The following ATP8A1 variants were observed in gnomAD, a reference collection of about 807,000 sequenced individuals.
ATP8A1 encodes the protein ATPase phospholipid transporting 8A1.
ATP8A1 carries 90 observed loss-of-function variants against 177.7 expected under a neutral mutation model. That is an observed-to-expected ratio of 0.51 (90% CI 0.43 to 0.60). The LOEUF (loss-of-function observed/expected upper bound fraction) is 0.60. Ranked by LOEUF, ATP8A1 falls within the 20% of genes least tolerant of loss-of-function variation. The probability of loss-of-function intolerance (pLI) is 0.00; values close to 1 mark genes in which losing one functional copy is unlikely to be tolerated. For missense variants in ATP8A1, 1,072 were observed against 1,392.8 expected (o/e 0.77, Z 3.67); for synonymous variants, 493 against 485.9 (o/e 1.01, Z -0.19).
intron 33 of ATP8A1, among the ~76,000 whole-genome samples, chr4:42,434,570 C>T (rs751697254): frequency 6.6e-6 from 1 of 152,196 alleles, no homozygotes; most frequent in Admixed American, 6.5e-5. Flanking sequence ...TCAAATCTAT[C>T]TCCTTTCTCT....
At chr4:42,513,538 G>A (rs145311188) in intron 22 of ATP8A1, among the ~76,000 whole-genome samples, 1 of 152,264 alleles carries the variant, frequency 6.6e-6, no homozygotes, top group East Asian at 1.9e-4. Flanking sequence ...GAAGGATAAG[G>A]GAGGTGATTC....
At chr4:42,456,142 T>C (rs977881537) in intron 27 of ATP8A1, among the ~76,000 whole-genome samples, 6 of 152,316 alleles carry the variant, frequency 3.9e-5, no homozygotes, top group African/African-American at 1.2e-4. Flanking sequence ...ACCCCCTTAA[T>C]ATTATGTAAT....
chr4:42,577,904 C>T (rs1014974329), intron 12 of ATP8A1, among the ~76,000 whole-genome samples: 1 of 152,122 alleles, frequency 6.6e-6, no homozygotes, highest in Admixed American at 6.5e-5. Context: ...CATATTATCC[C>T]TATGATTGTG....
chr4:42,434,251 CAG>C (rs1469176467), intron 33 of ATP8A1, among the ~76,000 whole-genome samples: 1 of 151,984 alleles, frequency 6.6e-6, no homozygotes, highest in Non-Finnish European at 1.5e-5. Context: ...TTGTATGAGA[CAG>C]GGTATGATAT....
At chr4:42,601,814 A>G (rs1735303211) in intron 5 of ATP8A1, among the ~76,000 whole-genome samples, 1 of 152,226 alleles carries the variant, frequency 6.6e-6, no homozygotes, top group South Asian at 2.1e-4. Flanking sequence ...TGATGTTGGG[A>G]TAGATGAAGC....
intron 33 of ATP8A1, 61 bp from the exon 34 acceptor site, chr4:42,423,766 G>A (rs1309422230): frequency 8.8e-7 from 1 of 1,137,348 alleles, no homozygotes; most frequent in African/African-American, 1.5e-5. Flanking sequence ...TTTGTGTTTA[G>A]TTTTTATGTA....
chr4:42,607,508 C>T (rs912589609), intron 5 of ATP8A1, among the ~76,000 whole-genome samples: 5 of 152,140 alleles, frequency 3.3e-5, no homozygotes, highest in African/African-American at 1.2e-4. Context: ...ATTTTTAAAT[C>T]ATCAACCTCC....
chr4:42,449,211 C>T (rs1717668171), intron 30 of ATP8A1, among the ~76,000 whole-genome samples: 1 of 152,216 alleles, frequency 6.6e-6, no homozygotes, highest in South Asian at 2.1e-4. Flanking sequence ...GGCACCATTC[C>T]TTGAGACAAT....
chr4:42,639,984 T>C lies in ATP8A1; in HGVS notation c.50-12875A>G, dbSNP rs150778507. The stretch of plus-strand genomic sequence containing the variant: ...AACATAGTACTTGGTGTGTGGCAAA[T>C]TGAAGTTTTGCTTTTTGAAACTCTA... On this transcript the variant is annotated intron_variant, in intron 1 of 36. Transcript: ENST00000381668. Among the ~76,000 whole-genome samples the C allele has an allele frequency of 3.1e-3, 475 of 152,348 alleles. 3 individuals carry two copies. The highest frequency in any genetic ancestry group is 0.011 in the African/African-American group (445 of 41,576).
Position 42,451,961 on chromosome 4 carries a change from T to G in ATP8A1, c.2896+20A>C. ...AAAAGTAAAAAGTCATCTCTTTGCA[T>G]TCATATCCCTTCTACTTACCATACT... On this transcript the variant is annotated intron_variant, in intron 30 of 36. Coordinates refer to ENST00000381668, the MANE Select transcript of ATP8A1 (RefSeq NM_006095.2). 6.5e-7 allele frequency: 1 copy of G among 1,550,324 alleles called. No homozygotes were observed. The highest frequency in any genetic ancestry group is 8.9e-7 in the Non-Finnish European group (1 of 1,127,548).
intron 22 of ATP8A1, among the ~76,000 whole-genome samples, chr4:42,509,144 C>T (rs1004615017): frequency 2.0e-5 from 3 of 152,170 alleles, no homozygotes; most frequent in African/African-American, 7.2e-5. Flanking sequence ...ATTTGTAGCT[C>T]GACCATACCT....
Position 42,574,719 on chromosome 4 carries a change from T to A in ATP8A1, c.1207-12A>T. ...AATATGTATTTAACCTAAAAAAGTT[T>A]AAAATTTCTCATTAATATTTTGAAA... On this transcript the variant is annotated splice_polypyrimidine_tract_variant and intron_variant, in intron 13 of 36. Transcript: ENST00000381668. 6.4e-7 allele frequency: 1 copy of A among 1,569,398 alleles called. No individual in the cohort carries two copies. The highest frequency in any genetic ancestry group is 8.7e-7 in the Non-Finnish European group (1 of 1,154,812).
At chr4:42,435,456 A>AAAAAAC (rs1553871795) in intron 33 of ATP8A1, among the ~76,000 whole-genome samples, 12 of 101,068 alleles carry the variant, frequency 1.2e-4, no homozygotes, top group African/African-American at 3.9e-4. Flanking sequence ...AAAACAAAAA[A>AAAAAAC]AAAAAAACAA....
intron 6 of ATP8A1, among the ~76,000 whole-genome samples, chr4:42,599,285 C>T (rs1328376907): frequency 1.3e-5 from 2 of 152,114 alleles, no homozygotes; most frequent in Non-Finnish European, 2.9e-5. Context: ...TCTTATCATA[C>T]TTGATTATAT....
intron 22 of ATP8A1, among the ~76,000 whole-genome samples, chr4:42,510,460 C>T (rs774543209): frequency 2.6e-5 from 4 of 152,036 alleles, no homozygotes; most frequent in Non-Finnish European, 2.9e-5. Flanking sequence ...CATTCTGGCT[C>T]ACATCCCAGT....
chr4:42,526,480 G>A (rs1249201909), intron 20 of ATP8A1, among the ~76,000 whole-genome samples: 5 of 152,244 alleles, frequency 3.3e-5, no homozygotes, highest in Admixed American at 2.0e-4. Context: ...CCTTAATCTG[G>A]GTGGGCACAA....
intron 4 of ATP8A1, among the ~76,000 whole-genome samples, chr4:42,621,113 T>C (rs7688584): frequency 0.23 from 34,343 of 152,198 alleles, 4,354 homozygotes; most frequent in Non-Finnish European, 0.29. Context: ...TACCACAATT[T>C]AAAGGTTGGC....
At chr4:42,573,162 C>T (rs544446649) in intron 14 of ATP8A1, among the ~76,000 whole-genome samples, 1 of 152,118 alleles carries the variant, frequency 6.6e-6, no homozygotes, top group Non-Finnish European at 1.5e-5. Context: ...ATTTCACAAT[C>T]AATAATTACT....
At chr4:42,568,823 C>T (rs111950313) in intron 15 of ATP8A1, among the ~76,000 whole-genome samples, 1 of 152,102 alleles carries the variant, frequency 6.6e-6, no homozygotes, top group Non-Finnish European at 1.5e-5. Context: ...GGTGGCAGTA[C>T]TGAGCTAGAA....
Sources: allele counts gnomAD v4.1 joint callset (sites outside exome capture counted in the v4.1 genomes callset), GRCh38; gene constraint gnomAD v4.1.1; transcripts MANE v1.5; gene names NCBI Gene and HGNC (gene_info 2026-07-23, HGNC 2026-07-21).